Variants in ZFHX3 observed in about 807,000 individuals in gnomAD.
ZFHX3 encodes zinc finger homeobox 3.
In ZFHX3, 42 loss-of-function variants were observed where a neutral mutation model predicts 279.1. The ratio of observed to expected loss-of-function variants is 0.15; its 90% confidence interval spans 0.12 to 0.19. The LOEUF is 0.19. Ranked by LOEUF, ZFHX3 falls within the 10% of genes least tolerant of loss-of-function variation. The pLI, the probability that ZFHX3 is intolerant of heterozygous loss-of-function variation, is 1.00. For missense variants in ZFHX3, 4,981 were observed against 4,754.0 expected, an observed-to-expected ratio of 1.05 and a Z score of -1.40; for synonymous variants, 2,293 against 1,957.8, an observed-to-expected ratio of 1.17 and a Z score of -4.52.
chr16:73,068,011 C>T (rs1014081689), intron 8 of ZFHX3, among the ~76,000 whole-genome samples: 8 of 152,138 alleles, frequency 5.3e-5, no homozygotes, highest in Non-Finnish European at 1.0e-4. Flanking sequence ...TGGCTCTTTT[C>T]CTACCTCCCT....
intron 2 of ZFHX3, among the ~76,000 whole-genome samples, chr16:73,524,473 C>T (rs181079630): frequency 4.0e-4 from 61 of 152,278 alleles, no homozygotes; most frequent in Admixed American, 7.2e-4. Context: ...GGGCAGAAAT[C>T]ATCTTTGTGG....
chr16:73,097,499 G>A (rs1429182839), intron 7 of ZFHX3, among the ~76,000 whole-genome samples: 1 of 152,032 alleles, frequency 6.6e-6, no homozygotes, highest in Non-Finnish European at 1.5e-5. Context: ...CTGGTTTTAG[G>A]TTTTACCTGG....
At chr16:73,578,573 G>A (rs947714435) in intron 2 of ZFHX3, among the ~76,000 whole-genome samples, 3 of 151,986 alleles carry the variant, frequency 2.0e-5, no homozygotes, top group African/African-American at 7.2e-5. Flanking sequence ...ACACTAACAT[G>A]TAATACAAAC....
chr16:73,554,031 G>T (rs78180656), intron 2 of ZFHX3, among the ~76,000 whole-genome samples: 1 of 152,134 alleles, frequency 6.6e-6, no homozygotes, highest in African/African-American at 2.4e-5. Context: ...AGTACAAGGG[G>T]GGAAATGTAT....
chr16:73,494,258 G>A (rs1362702367), intron 2 of ZFHX3, among the ~76,000 whole-genome samples: 1 of 152,202 alleles, frequency 6.6e-6, no homozygotes, highest in African/African-American at 2.4e-5. Flanking sequence ...CGGTTTGCTA[G>A]CTGGTTTACG....
At chr16:73,086,316 T>TA (rs1426986464) in intron 8 of ZFHX3, among the ~76,000 whole-genome samples, 3 of 152,156 alleles carry the variant, frequency 2.0e-5, no homozygotes, top group Admixed American at 1.3e-4. Flanking sequence ...CTCAAAAGTC[T>TA]AAAAATAGAA....
In ZFHX3 at chr16:72,788,020, G is replaced by A; in HGVS notation, c.10256C>T (p.Pro3419Leu). The A allele has an allele frequency of 6.2e-7, 1 of 1,613,404 alleles. No homozygotes were observed. Among genetic ancestry groups the A allele is most frequent in the Non-Finnish European group, 8.5e-7 (1 of 1,179,974 alleles). ...GGTGTTTTTCTGTTCTTCTGGTTTG[G>A]GGGATTCTTTGGCAGGGTCTTTGTC... The part of the protein sequence containing the change: ...SPDKDPAKES[P>L]KPEEQKNTPR... The change falls in exon 10 of 10, where the codon CCC becomes CTC. Residue 3419 changes from proline to leucine, a missense_variant. Pro to Leu is a moderately conservative substitution (Grantham distance 98). This residue lies in a region of ZFHX3 where 1,034 missense variants were observed against 786.0 expected (regional missense o/e 1.32). Coordinates refer to ENST00000268489, the MANE Select transcript of ZFHX3 (RefSeq NM_006885.4).
chr16:73,602,924 C>T (rs573740961), intron 2 of ZFHX3, among the ~76,000 whole-genome samples: 2 of 123,346 alleles, frequency 1.6e-5, no homozygotes, highest in African/African-American at 2.9e-5. Context: ...GGTGAAACAG[C>T]GAGACTCTGA....
intron 2 of ZFHX3, among the ~76,000 whole-genome samples, chr16:73,507,031 C>T (rs1004066791): frequency 1.3e-5 from 2 of 152,200 alleles, no homozygotes; most frequent in African/African-American, 2.4e-5. Flanking sequence ...TTCCTTCGCA[C>T]AACCTCCTTT....
intron 2 of ZFHX3, among the ~76,000 whole-genome samples, chr16:73,627,855 T>A (rs2052433026): frequency 2.6e-5 from 4 of 151,944 alleles, no homozygotes; most frequent in Admixed American, 2.0e-4. Flanking sequence ...GAGGTGGAGG[T>A]TACAGTGAGC....
chr16:73,416,337 T>G (rs2017580298), intron 3 of ZFHX3, among the ~76,000 whole-genome samples: 1 of 151,978 alleles, frequency 6.6e-6, no homozygotes. Flanking sequence ...GGTGGGAAAT[T>G]AGGAGAAATT....
At chr16:73,805,815 G>A (rs1597123797) in intron 1 of ZFHX3, among the ~76,000 whole-genome samples, 1 of 152,174 alleles carries the variant, frequency 6.6e-6, no homozygotes, top group Non-Finnish European at 1.5e-5. Context: ...AGAGTAAAGA[G>A]ACAGAGGGTG....
rs554051788 is a variant in ZFHX3 at position 73,568,458 on chromosome 16, T to C, written c.-1547+111722A>G. ...GAACATGCATTCCCCCACAATGGGA[T>C]GGGTGATTTGCCAAACAGACCAGAG... On this transcript the variant is annotated intron_variant, in intron 2 of 17. Transcript: ENST00000641206. Among the ~76,000 whole-genome samples, 11 of 152,280 alleles carry C rather than the reference T, an allele frequency of 7.2e-5. No homozygotes were observed. In the South Asian group the frequency reaches 2.3e-3, roughly 32 times the overall value.
chr16:73,064,742 G>A (rs1965725321), intron 8 of ZFHX3, among the ~76,000 whole-genome samples: 3 of 152,270 alleles, frequency 2.0e-5, no homozygotes, highest in Admixed American at 1.3e-4. Flanking sequence ...AAAATGCAGG[G>A]CAATTAGTCA....
intron 1 of ZFHX3, among the ~76,000 whole-genome samples, chr16:73,855,736 G>A (rs1054277821): frequency 3.3e-5 from 5 of 152,284 alleles, no homozygotes; most frequent in Non-Finnish European, 7.4e-5. Flanking sequence ...TAAGCTACAT[G>A]TGGAAAATGT....
At chr16:72,956,915 G>A (rs572877909) in intron 2 of ZFHX3, among the ~76,000 whole-genome samples, 109 of 152,006 alleles carry the variant, frequency 7.2e-4, no homozygotes, top group African/African-American at 2.0e-3. Flanking sequence ...TCCCTAGCTC[G>A]GCACAGAATC....
At chr16:73,688,407 A>C (rs1320116713) in intron 1 of ZFHX3, among the ~76,000 whole-genome samples, 2 of 151,694 alleles carry the variant, frequency 1.3e-5, no homozygotes, top group East Asian at 3.9e-4. Context: ...CCATGCAAGT[A>C]TTAAGAGGTG....
At chr16:72,818,780 G>T (rs1015615558) in intron 5 of ZFHX3, among the ~76,000 whole-genome samples, 1 of 152,180 alleles carries the variant, frequency 6.6e-6, no homozygotes, top group Non-Finnish European at 1.5e-5. Flanking sequence ...CTTATTCTAA[G>T]GAAATGCAAG....
At chr16:73,572,186 A>AC (rs2051746941) in intron 2 of ZFHX3, among the ~76,000 whole-genome samples, 1 of 147,580 alleles carries the variant, frequency 6.8e-6, no homozygotes, top group East Asian at 2.0e-4. Flanking sequence ...AAAAAAAAAA[A>AC]CTTTTTCTGA....
Sources: gnomAD v4.1 joint callset for allele counts (sites outside exome capture counted in the v4.1 genomes callset) on GRCh38, gnomAD v4.1.1 for gene constraint, gnomAD v4.1.1 regional missense constraint, MANE v1.5 for transcripts, NCBI Gene and HGNC (gene_info 2026-07-23, HGNC 2026-07-21) for gene names.